Variants in TENM2 observed in about 807,000 individuals in gnomAD.
The protein encoded by TENM2 is teneurin-2.
TENM2 carries 52 observed loss-of-function variants against 245.2 expected under a neutral mutation model. That is an observed-to-expected ratio of 0.21 (90% confidence interval 0.17 to 0.27). TENM2 has a LOEUF of 0.27. TENM2 is among the 10% of genes least tolerant of loss of function. TENM2 has a pLI of 1.00. For synonymous variants in TENM2, 1,363 were observed against 1,438.9 expected (o/e 0.95, Z 1.19); for missense variants, 3,046 against 3,666.8 (o/e 0.83, Z 4.37).
chr5:167,855,384 A>AAC (rs989304604), intron 2 of TENM2, among the ~76,000 whole-genome samples: 7 of 152,076 alleles, frequency 4.6e-5, no homozygotes, highest in African/African-American at 1.7e-4. Flanking sequence ...TTCCCTTGAA[A>AAC]ACACACACAC....
Position 167,494,694 on chromosome 5 carries a change from G to C in TENM2, c.502+119221G>C, listed in dbSNP as rs116259431. 9.4e-3 allele frequency among the ~76,000 whole-genome samples: 1,432 copies of C among 152,160 alleles called. 12 individuals carry two copies. The highest frequency in any genetic ancestry group is 0.016 in the Non-Finnish European group (1,113 of 67,972). On this transcript the variant is annotated intron_variant, in intron 2 of 28. Coordinates refer to ENST00000518659, the Ensembl canonical transcript of TENM2. The stretch of plus-strand genomic sequence containing the variant: ...AGTGAAGTAAAAGTTTAAAGAAATA[G>C]CTGTAAATGTGTTTTCTCTATCCTT...
chr5:168,055,128 C>A (rs751706001), intron 6 of TENM2, among the ~76,000 whole-genome samples: 3 of 152,068 alleles, frequency 2.0e-5, no homozygotes, highest in Non-Finnish European at 4.4e-5. Flanking sequence ...CTGTTTAATG[C>A]CTCTTCTCTT....
the TENM2 span, among the ~76,000 whole-genome samples, chr5:167,218,469 T>G: frequency 6.6e-6 from 1 of 152,158 alleles, no homozygotes; most frequent in Non-Finnish European, 1.5e-5. Flanking sequence ...CTCCAAACAT[T>G]GTATTTTAAC....
intron 11 of TENM2, among the ~76,000 whole-genome samples, chr5:168,125,584 G>A (rs760629665): frequency 1.3e-5 from 2 of 152,080 alleles, no homozygotes; most frequent in Non-Finnish European, 2.9e-5. Flanking sequence ...CAACCTTCCT[G>A]AGAAAGGTTC....
At chr5:168,039,223 C>T (rs777194133) in intron 5 of TENM2, among the ~76,000 whole-genome samples, 4 of 152,146 alleles carry the variant, frequency 2.6e-5, no homozygotes, top group South Asian at 2.1e-4. Flanking sequence ...TTCTGGTGGC[C>T]GCGTGCCACG....
At chr5:167,768,967 T>C (rs770795032) in intron 2 of TENM2, among the ~76,000 whole-genome samples, 5 of 152,186 alleles carry the variant, frequency 3.3e-5, no homozygotes, top group Non-Finnish European at 5.9e-5. Context: ...AAACAGCAGC[T>C]CTGTTTTTGG....
At chr5:167,485,184 A>G (rs932368369) in intron 2 of TENM2, among the ~76,000 whole-genome samples, 1 of 152,196 alleles carries the variant, frequency 6.6e-6, no homozygotes, top group Middle Eastern at 3.2e-3. Flanking sequence ...ATTCACAAGT[A>G]GTAGATGCAG....
chr5:167,584,754 G>T (rs1025336459), intron 2 of TENM2, among the ~76,000 whole-genome samples: 2 of 151,300 alleles, frequency 1.3e-5, no homozygotes, highest in African/African-American at 4.9e-5. Flanking sequence ...GAGTGCAGTG[G>T]CACAATCTCG....
the TENM2 span, among the ~76,000 whole-genome samples, chr5:167,251,258 G>A: frequency 6.6e-6 from 1 of 152,080 alleles, no homozygotes; most frequent in African/African-American, 2.4e-5. Flanking sequence ...GCTTTCAGCT[G>A]AGGGGCCTCT....
At chr5:167,859,726 G>A (rs1771530280) in intron 2 of TENM2, among the ~76,000 whole-genome samples, 1 of 101,264 alleles carries the variant, frequency 9.9e-6, no homozygotes, top group African/African-American at 4.7e-5. Context: ...CCGTCCGGGA[G>A]GGAGGTGGGG....
intron 2 of TENM2, among the ~76,000 whole-genome samples, chr5:167,554,998 A>G (rs1773174865): frequency 6.6e-6 from 1 of 152,142 alleles, no homozygotes; most frequent in Non-Finnish European, 1.5e-5. Flanking sequence ...TTAAAAACAC[A>G]CATTTCCCAT....
intron 13 of TENM2, among the ~76,000 whole-genome samples, chr5:168,176,720 T>C (rs1383148914): frequency 6.6e-6 from 1 of 152,218 alleles, no homozygotes; most frequent in African/African-American, 2.4e-5. Context: ...GGTCAACTCA[T>C]TGTTACACGA....
At chr5:167,385,474 A>T (rs1761363845) in intron 2 of TENM2, among the ~76,000 whole-genome samples, 1 of 142,198 alleles carries the variant, frequency 7.0e-6, no homozygotes, top group Non-Finnish European at 1.5e-5. Context: ...TAACTTTTGG[A>T]GTATATTGTG....
chr5:167,749,768 C>T (rs1761836881), intron 2 of TENM2, among the ~76,000 whole-genome samples: 1 of 152,140 alleles, frequency 6.6e-6, no homozygotes, highest in Non-Finnish European at 1.5e-5. Context: ...AAAGTTAAAT[C>T]AGTCAATGAC....
At chr5:167,617,356 A>G (rs12716235) in intron 2 of TENM2, among the ~76,000 whole-genome samples, 4,814 of 152,272 alleles carry the variant, frequency 0.032, 256 homozygotes, top group African/African-American at 0.11. Flanking sequence ...ATAACGTACT[A>G]TAGTTACGTA....
intron 25 of TENM2, among the ~76,000 whole-genome samples, chr5:168,241,999 G>A (rs1766145436): frequency 6.6e-6 from 1 of 152,092 alleles, no homozygotes. Context: ...TCTCTGGATA[G>A]GCCATCATCC....
the TENM2 span, among the ~76,000 whole-genome samples, chr5:167,080,998 A>T: frequency 6.6e-6 from 1 of 151,974 alleles, no homozygotes; most frequent in Non-Finnish European, 1.5e-5. Flanking sequence ...CTGACTTTCT[A>T]CCATAATTTT....
intron 2 of TENM2, among the ~76,000 whole-genome samples, chr5:167,859,623 G>C (rs1402226464): frequency 9.6e-5 from 10 of 103,668 alleles, no homozygotes; most frequent in African/African-American, 2.2e-4. Context: ...TCAGCCCTCC[G>C]CCCGGCCAGC....
chr5:167,869,217 C>A (rs1772597201), intron 2 of TENM2, among the ~76,000 whole-genome samples: 1 of 152,164 alleles, frequency 6.6e-6, no homozygotes, highest in African/African-American at 2.4e-5. Context: ...AAGAAATAAA[C>A]ATTTGTAAAA....
Sources: gnomAD v4.1 joint callset for allele counts (sites outside exome capture counted in the v4.1 genomes callset) on GRCh38, gnomAD v4.1.1 for gene constraint, MANE v1.5 for transcripts, NCBI Gene and HGNC (gene_info 2026-07-23, HGNC 2026-07-21) for gene names.